Variants in NBEA observed in about 807,000 individuals in gnomAD.
NBEA encodes neurobeachin.
In NBEA, 44 loss-of-function variants were observed where a neutral mutation model predicts 343.4. The ratio of observed to expected loss-of-function variants is 0.13; its 90% CI spans 0.10 to 0.16. NBEA has a LOEUF of 0.16. Ranked by LOEUF, NBEA falls within the 10% of genes least tolerant of loss-of-function variation. NBEA has a pLI of 1.00. For synonymous variants in NBEA, 1,175 were observed against 1,238.7 expected, an observed-to-expected ratio of 0.95 and a Z score of 1.08; for missense variants, 2,555 against 3,631.3, an observed-to-expected ratio of 0.70 and a Z score of 7.62.
intron 44 of NBEA, among the ~76,000 whole-genome samples, chr13:35,565,175 C>G (rs148648834): frequency 1.4e-3 from 210 of 152,278 alleles, no homozygotes; most frequent in African/African-American, 4.9e-3. Flanking sequence ...TGCCATTACC[C>G]ACACCTATAT....
intron 38 of NBEA, among the ~76,000 whole-genome samples, chr13:35,392,210 T>C (rs2042537077): frequency 6.6e-6 from 1 of 152,104 alleles, no homozygotes; most frequent in African/African-American, 2.4e-5. Context: ...TAATCATTTA[T>C]GAAAATGAAA....
intron 41 of NBEA, among the ~76,000 whole-genome samples, chr13:35,532,983 C>T (rs1174685723): frequency 1.3e-5 from 2 of 151,718 alleles, no homozygotes; most frequent in Admixed American, 1.3e-4. Flanking sequence ...TCTTGCTTTT[C>T]TAGGAGTATA....
In NBEA at chr13:35,582,931, G is replaced by A. The variant is rs1048954027; in HGVS notation, c.7036-967G>A. 3.8e-4 allele frequency among the ~76,000 whole-genome samples: 58 copies of A among 151,946 alleles called. 1 individual carries two copies. The highest frequency in any genetic ancestry group is 2.9e-5 in the Non-Finnish European group (2 of 67,992). On this transcript the variant is annotated intron_variant, in intron 45 of 58. Transcript: ENST00000379939. ...CTCTTGTTAAAATTAAGCCTTCGAG[G>A]GATCTTCATAGTTAATTATAAATAT...
At chr13:35,386,557 G>A (rs1485916595) in intron 38 of NBEA, among the ~76,000 whole-genome samples, 1 of 151,802 alleles carries the variant, frequency 6.6e-6, no homozygotes, top group African/African-American at 2.4e-5. Flanking sequence ...ATAACTATAG[G>A]CTTATCTAAT....
chr13:35,594,956 C>T (rs1184650442), intron 47 of NBEA, among the ~76,000 whole-genome samples: 1 of 145,672 alleles, frequency 6.9e-6, no homozygotes, highest in African/African-American at 2.7e-5. Context: ...ATCACACACA[C>T]ACACACACAC....
chr13:35,334,137 G>T (rs2039100193), intron 36 of NBEA, among the ~76,000 whole-genome samples: 1 of 151,798 alleles, frequency 6.6e-6, no homozygotes. Context: ...CTTCTTACTG[G>T]GTTGTACTAA....
At chr13:35,123,434 G>T in intron 16 of NBEA, 48 bp from the exon 17 acceptor site, 1 of 1,112,288 alleles carries the variant, frequency 9.0e-7, no homozygotes, top group African/African-American at 1.6e-5. Flanking sequence ...GTGTGTTTTT[G>T]TTTTTAATAT....
chr13:35,602,137 TGTA>T (rs1333982517), intron 47 of NBEA, among the ~76,000 whole-genome samples: 1 of 152,202 alleles, frequency 6.6e-6, no homozygotes, highest in Non-Finnish European at 1.5e-5. Flanking sequence ...GGAGCACAAA[TGTA>T]GTAATTGCCA....
intron 36 of NBEA, among the ~76,000 whole-genome samples, chr13:35,313,660 G>A (rs189762888): frequency 1.3e-5 from 2 of 151,988 alleles, no homozygotes; most frequent in African/African-American, 4.8e-5. Context: ...AGAGTTTACA[G>A]TCTAGTGTGG....
At chr13:35,451,314 G>T (rs1456915285) in intron 39 of NBEA, among the ~76,000 whole-genome samples, 2 of 152,022 alleles carry the variant, frequency 1.3e-5, no homozygotes, top group African/African-American at 4.8e-5. Flanking sequence ...TAGTAGAGAC[G>T]GGGTTTCACC....
intron 38 of NBEA, among the ~76,000 whole-genome samples, chr13:35,362,196 A>G (rs2077239285): frequency 6.6e-6 from 1 of 151,982 alleles, no homozygotes; most frequent in Admixed American, 6.6e-5. Context: ...GTTGTTATAA[A>G]GATAAATAAG....
intron 18 of NBEA, among the ~76,000 whole-genome samples, chr13:35,144,766 A>C (rs2068311916): frequency 6.6e-6 from 1 of 152,136 alleles, no homozygotes; most frequent in African/African-American, 2.4e-5. Context: ...TGAGGGTTCT[A>C]AGGGTGAGTC....
intron 31 of NBEA, among the ~76,000 whole-genome samples, chr13:35,197,872 G>A (rs2072735321): frequency 6.6e-6 from 1 of 152,062 alleles, no homozygotes; most frequent in African/African-American, 2.4e-5. Flanking sequence ...TTACAAATAC[G>A]TCTTGAAAAT....
At chr13:34,983,346 C>T (rs1037276525) in intron 1 of NBEA, among the ~76,000 whole-genome samples, 7 of 152,190 alleles carry the variant, frequency 4.6e-5, no homozygotes, top group African/African-American at 1.7e-4. Flanking sequence ...CTGCAAAGGA[C>T]ATGAACTCAT....
At chr13:35,363,196 A>T (rs1011270129) in intron 38 of NBEA, among the ~76,000 whole-genome samples, 2 of 151,866 alleles carry the variant, frequency 1.3e-5, no homozygotes, top group Non-Finnish European at 2.9e-5. Flanking sequence ...CCAAACACAT[A>T]CACACTCCAG....
intron 10 of NBEA, among the ~76,000 whole-genome samples, chr13:35,090,466 C>A (rs17189905): frequency 0.046 from 6,953 of 151,954 alleles, 238 homozygotes; most frequent in Non-Finnish European, 0.067. Flanking sequence ...TACTTGGTTT[C>A]TTAGCTGGTA....
intron 41 of NBEA, among the ~76,000 whole-genome samples, chr13:35,478,982 G>A (rs1195906304): frequency 6.6e-6 from 1 of 152,236 alleles, no homozygotes; most frequent in Non-Finnish European, 1.5e-5. Flanking sequence ...GCGCATCTTC[G>A]GGGCTCACTG....
chr13:35,484,279 T>TA (rs2076231503), intron 41 of NBEA, among the ~76,000 whole-genome samples: 2 of 116,220 alleles, frequency 1.7e-5, no homozygotes, highest in African/African-American at 7.6e-5. Flanking sequence ...TGTGTGTATA[T>TA]ATATATATAT....
intron 41 of NBEA, among the ~76,000 whole-genome samples, chr13:35,521,438 A>G (rs2077709233): frequency 6.6e-6 from 1 of 152,222 alleles, no homozygotes; most frequent in South Asian, 2.1e-4. Flanking sequence ...AAGATCATTT[A>G]TTTTAAGCAA....
Sources: allele counts gnomAD v4.1 joint callset (sites outside exome capture counted in the v4.1 genomes callset), GRCh38; gene constraint gnomAD v4.1.1; transcripts MANE v1.5; gene names NCBI Gene and HGNC (gene_info 2026-07-23, HGNC 2026-07-21).